The following PIK3C2G variants were observed in gnomAD, a reference collection of about 807,000 sequenced individuals.
PIK3C2G encodes phosphatidylinositol 3-kinase C2 domain-containing subunit gamma.
A neutral mutation model predicts 181.1 loss-of-function variants in PIK3C2G; 168 were observed. The observed-to-expected ratio is 0.93, with a 90% CI of 0.82 to 1.05. PIK3C2G has a LOEUF of 1.05. PIK3C2G is among the 50% of genes least tolerant of loss of function. The pLI is 0.00. For missense variants in PIK3C2G, 1,869 were observed against 1,732.8 expected, an observed-to-expected ratio of 1.08 and a Z score of -1.40; for synonymous variants, 573 against 592.2, an observed-to-expected ratio of 0.97 and a Z score of 0.47.
chr12:18,717,741 C>T, the PIK3C2G span, among the ~76,000 whole-genome samples: 2 of 152,060 alleles, frequency 1.3e-5, no homozygotes. Context: ...CCTCTCTTTC[C>T]CTCATATCTC....
intron 29 of PIK3C2G, among the ~76,000 whole-genome samples, chr12:18,588,448 C>G (rs547110472): frequency 2.6e-5 from 4 of 152,184 alleles, no homozygotes; most frequent in African/African-American, 9.6e-5. Flanking sequence ...TGAACAGACA[C>G]TTTTCAAAAG....
chr12:18,313,828 A>ACG (rs1458539625), intron 5 of PIK3C2G, 134 bp from the exon 6 acceptor site: 1 of 564,082 alleles, frequency 1.8e-6, no homozygotes, highest in African/African-American at 1.9e-5. Flanking sequence ...ACACACACAC[A>ACG]CGCACACACA....
the PIK3C2G span, among the ~76,000 whole-genome samples, chr12:18,690,379 ATGCC>A: frequency 1.3e-5 from 2 of 152,052 alleles, no homozygotes; most frequent in Admixed American, 6.6e-5. Context: ...GGATGCCACC[ATGCC>A]CAGCTAAGTT....
At chr12:18,459,198 T>G (rs1459871508) in intron 18 of PIK3C2G, among the ~76,000 whole-genome samples, 1 of 152,176 alleles carries the variant, frequency 6.6e-6, no homozygotes, top group Non-Finnish European at 1.5e-5. Context: ...AAGTTAAAAT[T>G]TTTTAAGTGT....
intron 5 of PIK3C2G, among the ~76,000 whole-genome samples, chr12:18,310,904 ATGAC>A (rs1012604975): frequency 2.0e-5 from 3 of 152,068 alleles, no homozygotes; most frequent in African/African-American, 4.8e-5. Flanking sequence ...GGCTAGAGAC[ATGAC>A]TAAAATAAGA....
chr12:18,547,905 A>C (rs1944516341), intron 26 of PIK3C2G, among the ~76,000 whole-genome samples: 1 of 152,000 alleles, frequency 6.6e-6, no homozygotes. Context: ...CTCTACAGTT[A>C]TCTCAACTAA....
At chr12:18,713,017 C>T in the PIK3C2G span, 1 of 1,612,808 alleles carries the variant, frequency 6.2e-7, no homozygotes, top group Non-Finnish European at 8.5e-7. Flanking sequence ...TAAAATGTTA[C>T]TCCTGGACCA....
At chr12:18,711,770 T>G in the PIK3C2G span, among the ~76,000 whole-genome samples, 1 of 151,820 alleles carries the variant, frequency 6.6e-6, no homozygotes, top group Admixed American at 6.6e-5. Context: ...CATATCCAAG[T>G]GGTAATGTCA....
intron 5 of PIK3C2G, among the ~76,000 whole-genome samples, chr12:18,303,856 A>G (rs752206780): frequency 5.9e-5 from 9 of 152,124 alleles, no homozygotes; most frequent in Non-Finnish European, 1.5e-5. Context: ...GTCAAATTTT[A>G]TATGTTTGAT....
Position 18,629,649 on chromosome 12 carries a change from G to A in PIK3C2G, c.4183-10780G>A, listed in dbSNP as rs564043955. ...TTGCCTAATATTGACTCAGAGATAG[G>A]ATAAGGCCAAAAGTTTAGAAGTGGA... On this transcript the variant is annotated intron_variant, in intron 31 of 32. Coordinates refer to ENST00000538779, the MANE Select transcript of PIK3C2G (RefSeq NM_001288772.2). Among the ~76,000 whole-genome samples, 7 of 152,222 alleles carry A rather than the reference G, an allele frequency of 4.6e-5. No homozygotes were observed. The East Asian group carries it at 1.4e-3, about 30-fold the overall frequency.
intron 24 of PIK3C2G, among the ~76,000 whole-genome samples, chr12:18,527,551 T>C (rs1281480012): frequency 6.6e-6 from 1 of 152,166 alleles, no homozygotes; most frequent in Non-Finnish European, 1.5e-5. Context: ...CCAAGAGTTA[T>C]AGCATTGTTA....
intron 29 of PIK3C2G, among the ~76,000 whole-genome samples, chr12:18,572,557 A>G (rs80154556): frequency 0.02 from 3,044 of 151,660 alleles, 114 homozygotes; most frequent in African/African-American, 0.07. Flanking sequence ...TAATCTACTC[A>G]GATGTAATGT....
At chr12:18,616,282 T>C (rs922619026) in intron 31 of PIK3C2G, among the ~76,000 whole-genome samples, 3 of 152,140 alleles carry the variant, frequency 2.0e-5, no homozygotes, top group African/African-American at 7.2e-5. Flanking sequence ...CTGTGGAAAA[T>C]ATATTTTGAA....
At chr12:18,392,700 CAT>C (rs1163059052) in intron 15 of PIK3C2G, among the ~76,000 whole-genome samples, 1 of 152,044 alleles carries the variant, frequency 6.6e-6, no homozygotes, top group Non-Finnish European at 1.5e-5. Flanking sequence ...CCTGCCCACT[CAT>C]GTGTTTAGCT....
intron 24 of PIK3C2G, among the ~76,000 whole-genome samples, chr12:18,535,769 C>A (rs1015370102): frequency 4.6e-5 from 7 of 152,060 alleles, no homozygotes; most frequent in African/African-American, 1.7e-4. Context: ...TTATGAAAAT[C>A]TATGATATTG....
intron 18 of PIK3C2G, among the ~76,000 whole-genome samples, chr12:18,455,007 C>T (rs530930051): frequency 4.6e-5 from 7 of 152,182 alleles, no homozygotes; most frequent in African/African-American, 1.7e-4. Context: ...TGGGATCTAC[C>T]CTCATCTCAA....
At chr12:18,536,911 G>A (rs1943886005) in intron 24 of PIK3C2G, among the ~76,000 whole-genome samples, 1 of 152,110 alleles carries the variant, frequency 6.6e-6, no homozygotes, top group African/African-American at 2.4e-5. Context: ...AGAAATGAAT[G>A]AATATAAACA....
intron 3 of PIK3C2G, among the ~76,000 whole-genome samples, chr12:18,288,896 T>C (rs1949569109): frequency 1.3e-5 from 2 of 152,196 alleles, no homozygotes; most frequent in East Asian, 1.9e-4. Flanking sequence ...CAGTGACTTA[T>C]AGTGCATTTT....
At chr12:18,705,307 G>C in the PIK3C2G span, 3 of 1,613,954 alleles carry the variant, frequency 1.9e-6, no homozygotes, top group South Asian at 2.2e-5. Flanking sequence ...CCACTGGGTA[G>C]TCAGATGTCT....
Sources: gnomAD v4.1 joint callset for allele counts (sites outside exome capture counted in the v4.1 genomes callset) on GRCh38, gnomAD v4.1.1 for gene constraint, MANE v1.5 for transcripts, NCBI Gene and HGNC (gene_info 2026-07-23, HGNC 2026-07-21) for gene names.